MAST4: variants seen among roughly 807,000 people sequenced by gnomAD.
The protein encoded by MAST4 is microtubule associated serine/threonine kinase family member 4, also known as microtubule-associated serine/threonine-protein kinase 4.
In MAST4, 89 loss-of-function variants were observed where a neutral mutation model predicts 162.7. The ratio of observed to expected loss-of-function variants is 0.55; its 90% CI spans 0.46 to 0.65. The LOEUF (loss-of-function observed/expected upper bound fraction) is 0.65, where lower values mean the gene tolerates loss of function less well. Ranked by LOEUF, MAST4 falls within the 30% of genes least tolerant of loss-of-function variation. MAST4 has a pLI of 0.00. For synonymous variants in MAST4, 1,479 were observed against 1,361.1 expected (o/e 1.09, Z -1.91); for missense variants, 3,153 against 3,374.0 (o/e 0.93, Z 1.62).
At chr5:66,838,194 G>A (rs143865536) in intron 3 of MAST4, among the ~76,000 whole-genome samples, 90 of 152,008 alleles carry the variant, frequency 5.9e-4, no homozygotes, top group African/African-American at 2.1e-3. Context: ...TGAGACAGTT[G>A]CTTTGTCCCT....
chr5:67,165,657 G>A lies in MAST4; in HGVS notation c.6478G>A (p.Gly2160Ser). 1 of 1,603,818 alleles carries A rather than the reference G, an allele frequency of 6.2e-7. No individual in the cohort carries two copies. The highest frequency in any genetic ancestry group is 1.7e-4 in the Middle Eastern group (1 of 6,056). Residue 2160 changes from glycine to serine, a missense_variant, in exon 29 of 29, where the codon GGC (glycine) becomes AGC (serine). This residue lies in a region of MAST4 where 1,644 missense variants were observed against 1,495.0 expected (regional missense o/e 1.10). Transcript: ENST00000403625. ...QHCSSPSHAS[G>S]REPGAKPSTA... ...TTGCAGTTCCCCAAGCCACGCTTCT[G>A]GCAGAGAGCCGGGGGCCAAGCCCAG... is the stretch of plus-strand genomic sequence containing the variant.
At chr5:66,955,965 T>A (rs1745266390) in intron 4 of MAST4, among the ~76,000 whole-genome samples, 1 of 149,072 alleles carries the variant, frequency 6.7e-6, no homozygotes, top group Non-Finnish European at 1.5e-5. Context: ...TTGATATGTC[T>A]TTTAAGGTTT....
chr5:67,075,894 A>G (rs1284925880), intron 5 of MAST4, among the ~76,000 whole-genome samples: 1 of 151,782 alleles, frequency 6.6e-6, no homozygotes. Context: ...CTTGTTATTT[A>G]TTATCTTTAT....
At chr5:66,670,757 T>G (rs1747557275) in intron 1 of MAST4, among the ~76,000 whole-genome samples, 1 of 150,470 alleles carries the variant, frequency 6.6e-6, no homozygotes, top group Admixed American at 6.6e-5. Context: ...AAGCATGATT[T>G]TTTTTTTTTT....
chr5:66,601,709 A>G (rs1345045680), intron 1 of MAST4, among the ~76,000 whole-genome samples: 2 of 152,184 alleles, frequency 1.3e-5, no homozygotes, highest in Admixed American at 1.3e-4. Context: ...AGAGCATGAC[A>G]TCTCATGACA....
chr5:66,944,823 G>A (rs1050560887), intron 4 of MAST4, among the ~76,000 whole-genome samples: 3 of 152,106 alleles, frequency 2.0e-5, no homozygotes, highest in African/African-American at 4.8e-5. Flanking sequence ...GAGAGTAGAA[G>A]CGCTTCCATG....
intron 1 of MAST4, among the ~76,000 whole-genome samples, chr5:66,637,240 T>TC (rs1491485433): frequency 6.5e-5 from 5 of 77,300 alleles, no homozygotes; most frequent in East Asian, 5.9e-4. Context: ...TTATTTCCAT[T>TC]CTTTTTTTTT....
chr5:67,053,006 T>C (rs912739646), intron 4 of MAST4, among the ~76,000 whole-genome samples: 3 of 152,208 alleles, frequency 2.0e-5, no homozygotes, highest in Non-Finnish European at 2.9e-5. Flanking sequence ...CATACATTTC[T>C]TGATAGATGA....
intron 5 of MAST4, among the ~76,000 whole-genome samples, chr5:67,073,090 T>A (rs1019853998): frequency 6.6e-6 from 1 of 152,128 alleles, no homozygotes; most frequent in Non-Finnish European, 1.5e-5. Context: ...AGGGGAGGAA[T>A]TATTAAAGTA....
chr5:66,946,462 C>G (rs889813880), intron 4 of MAST4, among the ~76,000 whole-genome samples: 1 of 152,086 alleles, frequency 6.6e-6, no homozygotes, highest in Non-Finnish European at 1.5e-5. Flanking sequence ...TAAATGAATT[C>G]TATTCCCTTT....
chr5:66,624,936 G>T (rs946550911), intron 1 of MAST4, among the ~76,000 whole-genome samples: 2 of 152,140 alleles, frequency 1.3e-5, no homozygotes, highest in Non-Finnish European at 2.9e-5. Context: ...CTTGACCTTG[G>T]TCTTGGCAAT....
intron 4 of MAST4, among the ~76,000 whole-genome samples, chr5:67,032,147 G>A (rs1377893950): frequency 6.6e-6 from 1 of 152,096 alleles, no homozygotes; most frequent in Non-Finnish European, 1.5e-5. Context: ...TGCTGTACCT[G>A]TAATCCATTT....
intron 1 of MAST4, among the ~76,000 whole-genome samples, chr5:66,699,231 C>T (rs1020573793): frequency 3.9e-5 from 6 of 152,182 alleles, no homozygotes; most frequent in Non-Finnish European, 8.8e-5. Flanking sequence ...TAAATGTTCC[C>T]TTCCTTAGAT....
intron 1 of MAST4, among the ~76,000 whole-genome samples, chr5:66,704,617 C>T (rs1364962171): frequency 6.6e-6 from 1 of 151,498 alleles, no homozygotes; most frequent in Non-Finnish European, 1.5e-5. Flanking sequence ...TCTCCCGCCT[C>T]AGCCTCCTGA....
At chr5:67,021,862 T>C (rs1386531536) in intron 4 of MAST4, among the ~76,000 whole-genome samples, 2 of 152,228 alleles carry the variant, frequency 1.3e-5, no homozygotes, top group African/African-American at 4.8e-5. Flanking sequence ...TTTTTCAGGA[T>C]ACTAAAAGGA....
intron 3 of MAST4, among the ~76,000 whole-genome samples, chr5:66,844,645 T>C (rs1049121681): frequency 6.6e-6 from 1 of 152,142 alleles, no homozygotes; most frequent in African/African-American, 2.4e-5. Context: ...GAAGTGGAGA[T>C]GGCAGACTGG....
intron 1 of MAST4, among the ~76,000 whole-genome samples, chr5:66,682,599 A>G (rs1748400650): frequency 6.6e-6 from 1 of 152,242 alleles, no homozygotes; most frequent in African/African-American, 2.4e-5. Context: ...GCATAAAAGC[A>G]TCTACTGTAG....
intron 23 of MAST4, among the ~76,000 whole-genome samples, chr5:67,145,671 C>G (rs903665439): frequency 3.3e-5 from 5 of 152,306 alleles, no homozygotes; most frequent in African/African-American, 9.6e-5. Context: ...TGAGGGAAGT[C>G]AGAACGTGCT....
intron 3 of MAST4, among the ~76,000 whole-genome samples, chr5:66,864,601 C>T (rs34341309): frequency 0.011 from 1,731 of 152,158 alleles, 30 homozygotes; most frequent in South Asian, 0.054. Context: ...GAGGCTATTG[C>T]TGAAGTCTGG....
Sources: gnomAD v4.1 joint callset for allele counts (sites outside exome capture counted in the v4.1 genomes callset) on GRCh38, gnomAD v4.1.1 for gene constraint, gnomAD v4.1.1 regional missense constraint, MANE v1.5 for transcripts, NCBI Gene and HGNC (gene_info 2026-07-23, HGNC 2026-07-21) for gene names.